Variants in MAP3K2 observed in about 807,000 individuals in gnomAD.
MAP3K2 encodes the protein MAP/ERK kinase kinase 2.
MAP3K2 carries 24 observed loss-of-function variants against 80.3 expected under a neutral mutation model. That is an observed-to-expected ratio of 0.30 (90% confidence interval 0.22 to 0.42). MAP3K2 has a LOEUF of 0.42. Among genes scored for constraint, MAP3K2 ranks in the 10% least tolerant of loss-of-function variants. The probability of loss-of-function intolerance (pLI) is 1.00; values close to 1 mark genes in which losing one functional copy is unlikely to be tolerated. For missense variants in MAP3K2, 608 were observed against 750.1 expected, an observed-to-expected ratio of 0.81 and a Z score of 2.21; for synonymous variants, 244 against 253.7, an observed-to-expected ratio of 0.96 and a Z score of 0.36.
rs1685597107 is a variant in MAP3K2 at position 127,301,762 on chromosome 2, CTT to C, written c.*5815_*5816del. On this transcript the variant is annotated 3_prime_UTR_variant, in exon 17 of 17. Transcript: ENST00000682094. The stretch of plus-strand genomic sequence containing the variant: ...ATACAGGCAACAGATAAAATCTATT[CTT>C]TTCTTTACTGTAGCTATGACTCCTC... 1 of 152,160 alleles carries C rather than the reference CTT, an allele frequency of 6.6e-6. No individual in the cohort carries two copies. Among genetic ancestry groups the C allele is most frequent in the African/African-American group, 2.4e-5 (1 of 41,436 alleles). The allele number at this position is 152,160 out of a possible 1,614,324, so 9.4% of individuals were successfully genotyped here.
chr2:127,334,013 C>G (rs1259081268), intron 5 of MAP3K2, among the ~76,000 whole-genome samples: 1 of 152,030 alleles, frequency 6.6e-6, no homozygotes, highest in Non-Finnish European at 1.5e-5. Context: ...GTGGGAAGAT[C>G]GCTTGAGTCC....
At chr2:127,308,536 A>C in intron 16 of MAP3K2, 49 bp downstream of exon 16, 1 of 1,475,318 alleles carries the variant, frequency 6.8e-7, no homozygotes, top group Non-Finnish European at 9.1e-7. Flanking sequence ...CCAGGTGGAA[A>C]TACATAGGCG....
At chr2:127,361,191 T>C (rs1046450515) in intron 1 of MAP3K2, among the ~76,000 whole-genome samples, 1 of 151,588 alleles carries the variant, frequency 6.6e-6, no homozygotes, top group Non-Finnish European at 1.5e-5. Context: ...CAGGCGCCTG[T>C]AGTCCCAGCT....
chr2:127,330,713 A>T (rs1489890118), intron 5 of MAP3K2, among the ~76,000 whole-genome samples: 2 of 152,144 alleles, frequency 1.3e-5, no homozygotes, highest in African/African-American at 2.4e-5. Context: ...ATGTTTTTAA[A>T]TTTTTCTTTA....
intron 1 of MAP3K2, among the ~76,000 whole-genome samples, chr2:127,378,981 GTTTTTTTTTTTT>G (rs58961718): frequency 1.1e-5 from 1 of 88,050 alleles, no homozygotes; most frequent in Admixed American, 1.5e-4. Context: ...GTTTTTTGTT[GTTTTTTTTTTTT>G]TTTTTTTTTG....
At position 127,314,714 on chromosome 2, in the gene MAP3K2, A is replaced by G; in HGVS notation, c.1456+40T>C. 3.4e-6 allele frequency: 5 copies of G among 1,487,862 alleles called. No homozygotes were observed. In the South Asian group the frequency reaches 5.9e-5, roughly 17 times the overall value. The allele number at this position is 1,487,862 out of a possible 1,614,324, so 92.2% of individuals were successfully genotyped here. Reference sequence around the variant, plus strand: ...TCACTTGTTTCATTCACATTCACTAAGAACTGTGTACTTAAAATAGAAAAT... The same window carrying G: ...TCACTTGTTTCATTCACATTCACTAGGAACTGTGTACTTAAAATAGAAAAT... On this transcript the variant is annotated intron_variant, in intron 15 of 16. Coordinates refer to ENST00000682094, the MANE Select transcript of MAP3K2 (RefSeq NM_001371910.2).
chr2:127,324,283 T>A (rs563484029), intron 9 of MAP3K2, 42 bp from the exon 10 acceptor site: 1 of 1,191,798 alleles, frequency 8.4e-7, no homozygotes, highest in East Asian at 2.6e-5. Flanking sequence ...AGAAAGAACG[T>A]AAGACATTAA....
chr2:127,323,953 T>C lies in MAP3K2; in HGVS notation c.787A>G (p.Thr263Ala), dbSNP rs1443997050. 2 of 1,566,820 alleles carry C rather than the reference T, an allele frequency of 1.3e-6. No homozygotes were observed. The highest frequency in any genetic ancestry group is 1.2e-5 in the South Asian group (1 of 84,880). ...GAAACATGATACCTTCTTGGATATG[T>C]TCCTCCTTTTCCAAATTTCTCAAAG... ...PIFEKFGKGG[T>A]YPRRYHVSYH... Residue 263 changes from threonine (T) to alanine (A), a missense_variant, in exon 11 of 17, where the codon ACA becomes GCA. Physicochemically the swap from Thr to Ala is moderately conservative, Grantham distance 58. Around this residue, in one of 4 missense-constraint regions of MAP3K2, gnomAD observed 467 missense variants for 521.9 expected, o/e 0.89. Coordinates refer to ENST00000682094, the MANE Select transcript of MAP3K2 (RefSeq NM_001371910.2).
At chr2:127,382,834 T>TA (rs1354988029) in intron 1 of MAP3K2, among the ~76,000 whole-genome samples, 1 of 152,228 alleles carries the variant, frequency 6.6e-6, no homozygotes, top group Non-Finnish European at 1.5e-5. Flanking sequence ...CAGATGTCGG[T>TA]ATATTGATAG....
chr2:127,353,372 G>A (rs936518433), intron 1 of MAP3K2, among the ~76,000 whole-genome samples: 3 of 151,260 alleles, frequency 2.0e-5, no homozygotes, highest in Admixed American at 6.6e-5. Flanking sequence ...GAGGTGAGGA[G>A]CATCTCCGCC....
At chr2:127,346,409 TTAA>T (rs1224195583) in intron 1 of MAP3K2, among the ~76,000 whole-genome samples, 12 of 85,312 alleles carry the variant, frequency 1.4e-4, no homozygotes, top group South Asian at 4.6e-4. Context: ...AAAACTGGTT[TTAA>T]AAAAAAAAAA....
intron 1 of MAP3K2, among the ~76,000 whole-genome samples, chr2:127,344,678 T>C (rs1390710334): frequency 6.6e-6 from 1 of 152,004 alleles, no homozygotes; most frequent in Non-Finnish European, 1.5e-5. Context: ...ATTTAAAAAA[T>C]TGTATAAAAT....
At chr2:127,368,611 A>G (rs1687012080) in intron 1 of MAP3K2, among the ~76,000 whole-genome samples, 1 of 152,166 alleles carries the variant, frequency 6.6e-6, no homozygotes, top group East Asian at 1.9e-4. Context: ...ACAGAGTGAG[A>G]CTCCATCTCA....
At chr2:127,343,859 A>ACAAGCTAAAGG (rs1686545481) in intron 1 of MAP3K2, among the ~76,000 whole-genome samples, 1 of 152,132 alleles carries the variant, frequency 6.6e-6, no homozygotes, top group Admixed American at 6.5e-5. Flanking sequence ...CTATACAAAA[A>ACAAGCTAAAGG]AATACAAAAA....
At chr2:127,312,977 A>T (rs928692148) in intron 15 of MAP3K2, among the ~76,000 whole-genome samples, 1 of 152,000 alleles carries the variant, frequency 6.6e-6, no homozygotes, top group African/African-American at 2.4e-5. Flanking sequence ...AAAAAAAAAA[A>T]AATAAAAACG....
chr2:127,353,112 A>G (rs370087958), intron 1 of MAP3K2, among the ~76,000 whole-genome samples: 3 of 151,840 alleles, frequency 2.0e-5, no homozygotes, highest in East Asian at 1.9e-4. Flanking sequence ...GCCTCTGCCC[A>G]GCCGCCACCC....
chr2:127,299,112 T>C lies in MAP3K2; in HGVS notation c.*8467A>G, dbSNP rs1685541008. ...ACACTGTATCTGGCTTCTGGTAGGTTTTCCTAATCACACTGGTTCCTTTTA... is the reference window on the plus strand; with the variant it reads ...ACACTGTATCTGGCTTCTGGTAGGTCTTCCTAATCACACTGGTTCCTTTTA... On this transcript the variant is annotated 3_prime_UTR_variant, in exon 17 of 17. Transcript: ENST00000682094. 6.6e-6 allele frequency: 1 copy of C among 152,194 alleles called. No individual in the cohort carries two copies. The highest frequency in any genetic ancestry group is 1.5e-5 in the Non-Finnish European group (1 of 68,024). The allele number at this position is 152,194 out of a possible 1,614,324, so 9.4% of individuals were successfully genotyped here.
intron 1 of MAP3K2, among the ~76,000 whole-genome samples, chr2:127,350,454 CAAA>C (rs752516255): frequency 3.0e-5 from 3 of 99,424 alleles, no homozygotes; most frequent in African/African-American, 7.9e-5. Flanking sequence ...AAAACAAAAA[CAAA>C]AAAAAAAAAA....
Position 127,322,105 on chromosome 2 carries a change from C to T in MAP3K2, c.986G>A (p.Arg329Lys). The change falls in exon 12 of 17, where the codon AGG becomes AAG. Residue 329 changes from arginine (R) to lysine (K), a missense_variant. Arg to Lys is a conservative substitution (Grantham distance 26). This residue lies in a region of MAP3K2 where 467 missense variants were observed against 521.9 expected (regional missense o/e 0.89). Transcript: ENST00000682094. This position sits in a 1 kb window ranked among gnomAD's most constrained non-coding sequence, Gnocchi z 4.2. Reference protein sequence around the residue: ...PEYDDSRIRRRGSDIDNPTLT... With the variant: ...PEYDDSRIRRKGSDIDNPTLT... Reference sequence around the variant, plus strand: ...AGTAGGATTGTCTATGTCACTTCCCCTTCTTCTTATTCGACTATCATCATA... The same window carrying T: ...AGTAGGATTGTCTATGTCACTTCCCTTTCTTCTTATTCGACTATCATCATA... 1 of 1,613,850 alleles carries T rather than the reference C, an allele frequency of 6.2e-7. No homozygotes were observed. Among genetic ancestry groups the T allele is most frequent in the Admixed American group, 1.7e-5 (1 of 60,006 alleles).
Sources: allele counts gnomAD v4.1 joint callset (sites outside exome capture counted in the v4.1 genomes callset), GRCh38; gene constraint gnomAD v4.1.1; regional missense constraint gnomAD v4.1.1; non-coding constraint Gnocchi (gnomAD v3.1); transcripts MANE v1.5; gene names NCBI Gene and HGNC (gene_info 2026-07-23, HGNC 2026-07-21).